RPTOR: variants seen among roughly 807,000 people sequenced by gnomAD.
The protein encoded by RPTOR is regulatory-associated protein of mTOR.
RPTOR carries 21 observed loss-of-function variants against 169.9 expected under a neutral mutation model. The observed-to-expected ratio is 0.12, with a 90% CI of 0.09 to 0.18. The LOEUF is 0.18. Among genes scored for constraint, RPTOR ranks in the 10% least tolerant of loss-of-function variants. The pLI, the probability that RPTOR is intolerant of heterozygous loss-of-function variation, is 1.00. For synonymous variants in RPTOR, 732 were observed against 753.2 expected, an observed-to-expected ratio of 0.97 and a Z score of 0.46; for missense variants, 1,133 against 1,855.9, an observed-to-expected ratio of 0.61 and a Z score of 7.16.
Position 80,754,041 on chromosome 17 carries a change from C to T in RPTOR, c.686C>T (p.Ala229Val). 6.2e-7 allele frequency: 1 copy of T among 1,614,168 alleles called. No homozygotes were observed. Residue 229 changes from alanine to valine, a missense_variant, in exon 6 of 34, where the codon GCT becomes GTT. Ala to Val is a moderately conservative substitution (Grantham distance 64, BLOSUM62 0). Transcript: ENST00000306801. This position sits in a 1 kb window ranked among gnomAD's most constrained non-coding sequence, Gnocchi z 4.2. ...VAAINPNHPL[A>V]QMPLPPSMKN... Reference sequence around the variant, plus strand: ...GCAATCAACCCAAATCACCCTCTTGCTCAGATGCCTTTGCCTCCGTCGATG... The same window carrying T: ...GCAATCAACCCAAATCACCCTCTTGTTCAGATGCCTTTGCCTCCGTCGATG...
intron 1 of RPTOR, among the ~76,000 whole-genome samples, chr17:80,571,213 A>G (rs2064901585): frequency 6.6e-6 from 1 of 152,184 alleles, no homozygotes; most frequent in African/African-American, 2.4e-5. Flanking sequence ...ATCCTCTTTC[A>G]GTGTTAATCA....
rs995243124 is a variant in RPTOR at position 80,726,989 on chromosome 17, G to A, written c.508-3571G>A. ...CCTGTGAGCGCAGCCTGCAAGCTCC[G>A]GCTCCAGGAGGAAGCGTGCTCAAGT... On this transcript the variant is annotated intron_variant, in intron 4 of 33. Transcript: ENST00000306801. The surrounding 1 kb of genome is among the most constrained non-coding windows in gnomAD (Gnocchi z 4.5). 2.7e-4 allele frequency among the ~76,000 whole-genome samples: 41 copies of A among 152,120 alleles called. No homozygotes were observed. The highest frequency in any genetic ancestry group is 1.6e-3 in the Admixed American group (24 of 15,268).
intron 6 of RPTOR, among the ~76,000 whole-genome samples, chr17:80,780,997 G>A (rs2066936816): frequency 6.6e-6 from 1 of 152,206 alleles, no homozygotes; most frequent in Admixed American, 6.5e-5. Context: ...GTCTTTGGGT[G>A]CAGAGGAGGG....
chr17:80,872,713 C>T (rs927987260), intron 13 of RPTOR, among the ~76,000 whole-genome samples: 2 of 152,208 alleles, frequency 1.3e-5, no homozygotes, highest in East Asian at 3.8e-4. Context: ...AGGCTCTTTT[C>T]GCCTGCACCC....
chr17:80,703,364 T>A (rs2066117317), intron 3 of RPTOR, among the ~76,000 whole-genome samples: 1 of 152,130 alleles, frequency 6.6e-6, no homozygotes, highest in Non-Finnish European at 1.5e-5. Flanking sequence ...TAAGGGGAAG[T>A]GGTTTTAATG....
chr17:80,925,282 T>C, intron 23 of RPTOR, 88 bp from the exon 24 acceptor site: 1 of 1,154,056 alleles, frequency 8.7e-7, no homozygotes, highest in Non-Finnish European at 1.3e-6. Flanking sequence ...AGCGCCTTTG[T>C]CCCCAGCTGC....
intron 1 of RPTOR, among the ~76,000 whole-genome samples, chr17:80,564,305 G>T (rs2084546153): frequency 6.6e-6 from 1 of 151,912 alleles, no homozygotes; most frequent in African/African-American, 2.4e-5. Flanking sequence ...CTTGTGATCT[G>T]CCCGCCTCGG....
intron 3 of RPTOR, among the ~76,000 whole-genome samples, chr17:80,701,353 T>C (rs2066099265): frequency 6.6e-6 from 1 of 152,226 alleles, no homozygotes. Flanking sequence ...AAAGGTAGCA[T>C]TTGCCATCAC....
At chr17:80,688,702 G>C (rs2065967531) in intron 3 of RPTOR, among the ~76,000 whole-genome samples, 1 of 152,226 alleles carries the variant, frequency 6.6e-6, no homozygotes, top group Non-Finnish European at 1.5e-5. Context: ...GTGAGCTGTA[G>C]AGGCAGCCAG....
At position 80,957,758 on chromosome 17, in the gene RPTOR, T is replaced by A; in HGVS notation, c.3477+28T>A. ...AACCATGCAGGTGTCCCCCAAGCCC[T>A]GGGCCTGTGGGGCAGTGTGTGCAGG... On this transcript the variant is annotated intron_variant, in intron 29 of 33. Coordinates refer to ENST00000306801, the MANE Select transcript of RPTOR (RefSeq NM_020761.3). The surrounding 1 kb of genome is among the most constrained non-coding windows in gnomAD (Gnocchi z 4.6). 6.3e-7 allele frequency: 1 copy of A among 1,591,386 alleles called. No homozygotes were observed. The highest frequency in any genetic ancestry group is 1.7e-5 in the Admixed American group (1 of 59,994).
At chr17:80,740,690 G>A (rs1461584195) in intron 5 of RPTOR, among the ~76,000 whole-genome samples, 3 of 152,008 alleles carry the variant, frequency 2.0e-5, no homozygotes, top group Non-Finnish European at 4.4e-5. Context: ...ACCAATTGAT[G>A]CAGAAAACTC....
chr17:80,891,934 G>A (rs971849855), intron 18 of RPTOR, 97 bp downstream of exon 18: 24 of 758,406 alleles, frequency 3.2e-5, no homozygotes, highest in African/African-American at 1.4e-4. Context: ...GAGTCTAAGC[G>A]CAGGTTTCTC....
chr17:80,674,321 C>T (rs909320126), intron 3 of RPTOR, among the ~76,000 whole-genome samples: 4 of 152,118 alleles, frequency 2.6e-5, no homozygotes, highest in African/African-American at 7.2e-5. Context: ...ACCCTTTGTA[C>T]ATTTCACCTT....
rs374917875 is a variant in RPTOR at position 80,618,006 on chromosome 17, G to T, written c.163-7685G>T. Among the ~76,000 whole-genome samples the T allele has an allele frequency of 5.4e-5, 8 of 146,842 alleles. 2 individuals carry two copies. Among genetic ancestry groups the T allele is most frequent in the African/African-American group, 2.2e-4 (8 of 36,554 alleles). ...TTACAACTTTTTTTTTTTAAGACGG[G>T]GTCTTGCTCTGTCACCCAGGGTGGA... On this transcript the variant is annotated intron_variant, in intron 1 of 33. Transcript: ENST00000306801.
chr17:80,782,748 TG>T (rs2066954348), intron 6 of RPTOR, among the ~76,000 whole-genome samples: 1 of 152,236 alleles, frequency 6.6e-6, no homozygotes, highest in Non-Finnish European at 1.5e-5. Context: ...TCCAGTCCTC[TG>T]TGGCTGTCCC....
chr17:80,867,101 A>G (rs1443497214), intron 13 of RPTOR, among the ~76,000 whole-genome samples: 1 of 152,250 alleles, frequency 6.6e-6, no homozygotes, highest in Non-Finnish European at 1.5e-5. Flanking sequence ...ACACAGGTAC[A>G]AAAATGCTAA....
chr17:80,964,400 C>A lies in RPTOR; in HGVS notation c.*70C>A. 6.6e-7 allele frequency: 1 copy of A among 1,505,664 alleles called. No individual in the cohort carries two copies. The highest frequency in any genetic ancestry group is 1.4e-5 in the African/African-American group (1 of 73,084). The allele number at this position is 1,505,664 out of a possible 1,614,324, so 93.3% of individuals were successfully genotyped here. On this transcript the variant is annotated 3_prime_UTR_variant, in exon 34 of 34. Transcript: ENST00000306801. ...AGTGAAGCTGTCACTCGCCGGGGCA[C>A]GGGGCGTCGGCTGCTGCGGCCCCGC...
chr17:80,700,490 GTGATGGTAGAGATGATGGTGATGGTGA>G (rs2066078341), intron 3 of RPTOR, among the ~76,000 whole-genome samples: 1 of 145,762 alleles, frequency 6.9e-6, no homozygotes, highest in African/African-American at 2.6e-5. Flanking sequence ...GATGGTGGTG[GTGATGGTAGAGATGATGGTGATGGTGA>G]TGGTGGTGGT....
chr17:80,656,386 C>T (rs886842809), intron 3 of RPTOR, among the ~76,000 whole-genome samples: 7 of 152,184 alleles, frequency 4.6e-5, no homozygotes, highest in Admixed American at 1.3e-4. Context: ...CATTTTAAAT[C>T]AGGTCTGTAC....
Sources: allele counts gnomAD v4.1 joint callset (sites outside exome capture counted in the v4.1 genomes callset), GRCh38; gene constraint gnomAD v4.1.1; non-coding constraint Gnocchi (gnomAD v3.1); transcripts MANE v1.5; gene names NCBI Gene and HGNC (gene_info 2026-07-23, HGNC 2026-07-21).